DST: variants seen among roughly 807,000 people sequenced by gnomAD.
The protein encoded by DST is dystonin.
A neutral mutation model predicts 875.2 loss-of-function variants in DST; 253 were observed. The ratio of observed to expected loss-of-function variants is 0.29; its 90% confidence interval spans 0.26 to 0.32. The LOEUF (loss-of-function observed/expected upper bound fraction) is 0.32. DST is among the 10% of genes least tolerant of loss of function. The probability of loss-of-function intolerance (pLI) is 1.00; values close to 1 mark genes in which losing one functional copy is unlikely to be tolerated. For missense variants in DST, 8,287 were observed against 9,111.6 expected (o/e 0.91, Z 3.68); for synonymous variants, 3,124 against 3,197.1 (o/e 0.98, Z 0.77).
chr6:56,853,476 G>C (rs1235769443), intron 3 of DST, among the ~76,000 whole-genome samples: 1 of 152,100 alleles, frequency 6.6e-6, no homozygotes, highest in Non-Finnish European at 1.5e-5. Context: ...GGTTTCTTTG[G>C]CTGCTTTCTA....
At chr6:56,739,048 T>A (rs2099536867) in intron 4 of DST, among the ~76,000 whole-genome samples, 1 of 150,656 alleles carries the variant, frequency 6.6e-6, no homozygotes. Context: ...TATTTATTAA[T>A]TCCTCTATTG....
At chr6:56,685,811 C>A (rs2099182046) in intron 9 of DST, among the ~76,000 whole-genome samples, 1 of 151,932 alleles carries the variant, frequency 6.6e-6, no homozygotes, top group South Asian at 2.1e-4. Context: ...GGTGCGGTTG[C>A]AGAGAAAAAG....
At chr6:56,843,689 G>C (rs1040851191) in intron 4 of DST, 1 of 978,736 alleles carries the variant, frequency 1.0e-6, no homozygotes, top group Admixed American at 6.3e-5. Flanking sequence ...CGCCCGCGCC[G>C]GGGAGAGAGG....
intron 4 of DST, among the ~76,000 whole-genome samples, chr6:56,786,883 T>C (rs913257746): frequency 1.3e-5 from 2 of 152,100 alleles, no homozygotes; most frequent in East Asian, 3.9e-4. Context: ...TGAGAGTCCA[T>C]CAATGAGGGG....
intron 92 of DST, 85 bp downstream of exon 92, chr6:56,476,064 A>T (rs1443418784): frequency 5.8e-6 from 7 of 1,200,318 alleles, no homozygotes; most frequent in Non-Finnish European, 8.0e-6. Flanking sequence ...ACGAGAACAA[A>T]GCAATGTTTT....
intron 39 of DST, among the ~76,000 whole-genome samples, chr6:56,609,844 A>C (rs2098529634): frequency 6.6e-6 from 1 of 152,210 alleles, no homozygotes; most frequent in African/African-American, 2.4e-5. Context: ...AATTATGTGG[A>C]AAGTATTCCC....
At chr6:56,492,560 A>G (rs1196294432) in intron 84 of DST, 127 bp from the exon 85 acceptor site, 28 of 995,742 alleles carry the variant, frequency 2.8e-5, no homozygotes, top group Admixed American at 1.1e-4. Flanking sequence ...TACCAAATGC[A>G]TGCTTTTGAC....
intron 2 of DST, among the ~76,000 whole-genome samples, chr6:56,941,791 G>C (rs995603452): frequency 6.6e-6 from 1 of 152,132 alleles, no homozygotes; most frequent in African/African-American, 2.4e-5. Context: ...AATGAGTGTG[G>C]TGTTTCTAGA....
chr6:56,614,343 C>A lies in DST; in HGVS notation c.5058+13G>T. On this transcript the variant is annotated intron_variant, in intron 37 of 103. Transcript: ENST00000680361. ...TATTATTATTATTATTAAACCAGGA[C>A]TTCTGTGAATACCTTTTGCTTAGAG... is the stretch of plus-strand genomic sequence containing the variant. The A allele has an allele frequency of 6.3e-7, 1 of 1,589,360 alleles. No homozygotes were observed. The highest frequency in any genetic ancestry group is 8.6e-7 in the Non-Finnish European group (1 of 1,168,738).
chr6:56,944,713 T>C lies in DST; in HGVS notation c.216+9072A>G, dbSNP rs377248905. ...GATCTTGAAAGAAGTGGGAAGCTAC[T>C]GAAGGATTTTAAGTAGGGGAGAAAT... On this transcript the variant is annotated intron_variant, in intron 2 of 103. Transcript: ENST00000680361. Among the ~76,000 whole-genome samples the C allele has an allele frequency of 3.3e-5, 5 of 152,292 alleles. No homozygotes were observed. In the East Asian group the frequency reaches 5.8e-4, roughly 18 times the overall value.
chr6:56,787,818 C>G (rs1011808148), intron 4 of DST, among the ~76,000 whole-genome samples: 9 of 152,078 alleles, frequency 5.9e-5, no homozygotes, highest in African/African-American at 1.9e-4. Flanking sequence ...AAAAATGCAA[C>G]TTTATGAAGC....
intron 4 of DST, among the ~76,000 whole-genome samples, chr6:56,750,128 ATTCCTC>A (rs915433064): frequency 3.9e-5 from 6 of 152,180 alleles, no homozygotes; most frequent in Admixed American, 2.6e-4. Flanking sequence ...CTGAGGCTTA[ATTCCTC>A]TTGGTAAAAA....
chr6:56,763,513 C>T (rs868360193), intron 4 of DST, among the ~76,000 whole-genome samples: 4 of 151,560 alleles, frequency 2.6e-5, no homozygotes, highest in Admixed American at 6.6e-5. Context: ...CTCTACTAAA[C>T]GTACAAAAAT....
chr6:56,614,317 CTATTAT>C (rs768524640), intron 37 of DST, 33 bp downstream of exon 37: 6 of 1,541,108 alleles, frequency 3.9e-6, no homozygotes, highest in African/African-American at 1.4e-5. Flanking sequence ...AACGTCCCTG[CTATTAT>C]TATTATTATT....
Position 56,534,243 on chromosome 6 carries a change from A to C in DST, c.16941+879T>G, listed in dbSNP as rs2096952721. The stretch of plus-strand genomic sequence containing the variant: ...TTAAAAAATTTCTTTGAGTTTTAAA[A>C]TAACGTAATTAACATAATCCATCCT... On this transcript the variant is annotated intron_variant, in intron 63 of 103. Coordinates refer to ENST00000680361, the MANE Select transcript of DST (RefSeq NM_001374736.1). Among the ~76,000 whole-genome samples the C allele has an allele frequency of 2.0e-5, 3 of 152,226 alleles. No homozygotes were observed. The South Asian group carries it at 6.2e-4, about 31-fold the overall frequency.
At chr6:56,769,547 C>T (rs1040589375) in intron 4 of DST, among the ~76,000 whole-genome samples, 5 of 152,170 alleles carry the variant, frequency 3.3e-5, no homozygotes, top group Admixed American at 2.0e-4. Context: ...TGGTCAGGCA[C>T]GGTGGCTCAT....
At chr6:56,778,022 T>G (rs541397902) in intron 4 of DST, among the ~76,000 whole-genome samples, 1 of 152,248 alleles carries the variant, frequency 6.6e-6, no homozygotes, top group South Asian at 2.1e-4. Flanking sequence ...TATTTTTAAA[T>G]GCAAAAGAAG....
At chr6:56,694,593 T>C (rs2099252311) in intron 9 of DST, among the ~76,000 whole-genome samples, 1 of 152,154 alleles carries the variant, frequency 6.6e-6, no homozygotes, top group Non-Finnish European at 1.5e-5. Flanking sequence ...TATAAATGTA[T>C]AATGGCTGAT....
At chr6:56,949,420 T>C (rs778639438) in intron 2 of DST, among the ~76,000 whole-genome samples, 6 of 152,204 alleles carry the variant, frequency 3.9e-5, no homozygotes, top group Non-Finnish European at 8.8e-5. Context: ...GATGCTCTCA[T>C]TGCATTTGTG....
Sources: gnomAD v4.1 joint callset for allele counts (sites outside exome capture counted in the v4.1 genomes callset) on GRCh38, gnomAD v4.1.1 for gene constraint, MANE v1.5 for transcripts, NCBI Gene and HGNC (gene_info 2026-07-23, HGNC 2026-07-21) for gene names.